USP42: variants seen among roughly 807,000 people sequenced by gnomAD.
USP42 encodes the protein ubiquitin carboxyl-terminal hydrolase 42.
Under a neutral mutation model 113.0 loss-of-function variants are expected in USP42, and 23 were observed. The ratio of observed to expected loss-of-function variants is 0.20; its 90% CI spans 0.15 to 0.29. The LOEUF (loss-of-function observed/expected upper bound fraction) is 0.29. Among genes scored for constraint, USP42 ranks in the 10% least tolerant of loss-of-function variants. The pLI, the probability that USP42 is intolerant of heterozygous loss-of-function variation, is 1.00. For missense variants in USP42, 2,174 were observed against 1,779.8 expected (o/e 1.22, Z -3.99); for synonymous variants, 933 against 699.0 (o/e 1.33, Z -5.28).
chr7:6,139,694 G>T lies in USP42; in HGVS notation c.657-434G>T, dbSNP rs981967433. On this transcript the variant is annotated intron_variant, in intron 5 of 17. Transcript: ENST00000306177. The surrounding 1 kb of genome is among the most constrained non-coding windows in gnomAD (Gnocchi z 4.5). ...TTGGTGCTGTCTGAGACACCTGGTA[G>T]ATCTCCCTCTGCATTCTCCCTGCCC... is the stretch of plus-strand genomic sequence containing the variant. 4.2e-6 allele frequency: 1 copy of T among 236,484 alleles called. No homozygotes were observed. Among genetic ancestry groups the T allele is most frequent in the South Asian group, 5.9e-5 (1 of 17,086 alleles). The allele number at this position is 236,484 out of a possible 1,614,324, so 14.6% of individuals were successfully genotyped here.
chr7:6,123,734 G>A lies in USP42; in HGVS notation c.442+8211G>A, dbSNP rs117599607. The stretch of plus-strand genomic sequence containing the variant: ...GTGGTGGTGTTCTTCTATAGTCTTA[G>A]CTACTCGGGAGGCCGAGGTAGGAGA... On this transcript the variant is annotated intron_variant, in intron 3 of 17. Coordinates refer to ENST00000306177, the MANE Select transcript of USP42 (RefSeq NM_032172.3). Among the ~76,000 whole-genome samples the A allele has an allele frequency of 2.5e-3, 371 of 150,952 alleles. 1 individual carries two copies. The highest frequency in any genetic ancestry group is 4.8e-3 in the Non-Finnish European group (328 of 67,892).
intron 3 of USP42, among the ~76,000 whole-genome samples, chr7:6,126,733 C>T (rs556584939): frequency 2.0e-5 from 3 of 152,052 alleles, no homozygotes; most frequent in East Asian, 3.9e-4. Flanking sequence ...TAAACACATC[C>T]GGGTTGTTTC....
Position 6,159,616 on chromosome 7 carries a change from G to T in USP42, c.*36+123G>T. The T allele has an allele frequency of 9.9e-7, 1 of 1,008,272 alleles. No homozygotes were observed. The highest frequency in any genetic ancestry group is 1.5e-6 in the Non-Finnish European group (1 of 681,798). The allele number at this position is 1,008,272 out of a possible 1,614,324, so 62.5% of individuals were successfully genotyped here. On this transcript the variant is annotated intron_variant, in intron 17 of 17. Coordinates refer to ENST00000306177, the MANE Select transcript of USP42 (RefSeq NM_032172.3). The surrounding 1 kb of genome is among the most constrained non-coding windows in gnomAD (Gnocchi z 4.1). ...GCTCATAGGAGTTGGCAGAGCCATG[G>T]AGAGGCCCCGGCAGGTTCCCAGCCA...
the USP42 span, chr7:6,088,949 G>C: frequency 6.6e-6 from 1 of 151,120 alleles, no homozygotes; most frequent in Admixed American, 6.6e-5. Flanking sequence ...ATGCCATGAA[G>C]GGCCATAGGG....
At chr7:6,100,877 A>T (rs1790105812), upstream of USP42, among the ~76,000 whole-genome samples, 1 of 150,622 alleles carries the variant, frequency 6.6e-6, no homozygotes, top group African/African-American at 2.5e-5. Context: ...CATGTTGGTC[A>T]CGCTGGTCTT....
rs1364326046 is a variant in USP42 at position 6,149,859 on chromosome 7, T to A, written c.1663T>A (p.Ser555Thr). 1 of 1,614,014 alleles carries A rather than the reference T, an allele frequency of 6.2e-7. No homozygotes were observed. Among genetic ancestry groups the A allele is most frequent in the Admixed American group, 1.7e-5 (1 of 60,024 alleles). Residue 555 changes from serine (S) to threonine (T), a missense_variant, in exon 13 of 18, where the codon TCT (serine) becomes ACT (threonine). By Grantham distance (58) the Ser-to-Thr change is moderately conservative. Coordinates refer to ENST00000306177, the MANE Select transcript of USP42 (RefSeq NM_032172.3). ...GGAGAACCCTACCAAGCCCGTTCCCTCTTCTACCATTACCAATTCTGCAGT... is the reference window on the plus strand; with the variant it reads ...GGAGAACCCTACCAAGCCCGTTCCCACTTCTACCATTACCAATTCTGCAGT... ...SLENPTKPVPSSTITNSAVQS... is the reference protein window; with the variant it reads ...SLENPTKPVPTSTITNSAVQS...
intron 12 of USP42, among the ~76,000 whole-genome samples, chr7:6,148,194 C>T (rs1439932356): frequency 1.3e-5 from 2 of 151,980 alleles, no homozygotes; most frequent in Admixed American, 6.5e-5. Context: ...AAGTATCAGC[C>T]GGGTATGGTG....
At chr7:6,083,728 T>G in the USP42 span, among the ~76,000 whole-genome samples, 2 of 150,768 alleles carry the variant, frequency 1.3e-5, 1 homozygote, top group African/African-American at 5.0e-5. Context: ...TATGTGGCGT[T>G]TATGTTTTTA....
chr7:6,091,996 CT>C, the USP42 span, among the ~76,000 whole-genome samples: 1 of 69,184 alleles, frequency 1.4e-5, no homozygotes, highest in East Asian at 2.6e-4. Flanking sequence ...TCTTCTTCTT[CT>C]TCTTCTTCTT....
chr7:6,116,492 C>T (rs1779918282), intron 3 of USP42: 1 of 225,750 alleles, frequency 4.4e-6, no homozygotes, highest in African/African-American at 2.4e-5. Context: ...GTTCTTTGAT[C>T]TAAATTAATG....
chr7:6,102,764 G>A (rs1471436788), upstream of USP42, among the ~76,000 whole-genome samples: 1 of 150,844 alleles, frequency 6.6e-6, no homozygotes, highest in Non-Finnish European at 1.5e-5. Context: ...AAAGAGGAAA[G>A]GGAACTTGGA....
Position 6,154,288 on chromosome 7 carries a change from C to T in USP42, c.2734C>T (p.Pro912Ser), listed in dbSNP as rs766625917. Residue 912 changes from proline (P) to serine (S), a missense_variant, in exon 15 of 18, where the codon CCG (proline) becomes TCG (serine). Pro to Ser is a moderately conservative substitution (Grantham distance 74). Transcript: ENST00000306177. ...GCTGGACATGGCCCCGGCCGGTCAC[C>T]CGGAAGGGGACGCTGAGCCTAGCCC... ...PVLDMAPAGH[P>S]EGDAEPSPGE... The T allele has an allele frequency of 6.9e-6, 11 of 1,590,798 alleles. No individual in the cohort carries two copies. In the African/African-American group the frequency reaches 8.1e-5, roughly 12 times the overall value.
chr7:6,084,735 T>C, the USP42 span: 3 of 150,838 alleles, frequency 2.0e-5, no homozygotes, highest in Non-Finnish European at 4.4e-5. Context: ...TTTTTTTTTT[T>C]TGAGACGGAG....
chr7:6,126,928 T>G (rs1004293289), intron 3 of USP42, among the ~76,000 whole-genome samples: 5 of 152,226 alleles, frequency 3.3e-5, no homozygotes, highest in South Asian at 2.1e-4. Context: ...GCATATTTGA[T>G]TTTATAAGAA....
the USP42 span, among the ~76,000 whole-genome samples, chr7:6,099,488 A>G: frequency 6.7e-6 from 1 of 149,732 alleles, no homozygotes; most frequent in African/African-American, 2.5e-5. Context: ...TGCTGGGATT[A>G]CAGGCGTGAG....
At chr7:6,116,097 C>G (rs1779896081) in intron 3 of USP42, among the ~76,000 whole-genome samples, 1 of 141,116 alleles carries the variant, frequency 7.1e-6, no homozygotes. Flanking sequence ...GAAAGAGACC[C>G]TGTCTCAAAA....
At chr7:6,106,288 A>G (rs772757880) in intron 1 of USP42, among the ~76,000 whole-genome samples, 6 of 152,220 alleles carry the variant, frequency 3.9e-5, no homozygotes, top group Non-Finnish European at 7.3e-5. Flanking sequence ...CGGAAATGCT[A>G]TGAGAACGTG....
At chr7:6,084,192 A>G in the USP42 span, among the ~76,000 whole-genome samples, 2 of 150,422 alleles carry the variant, frequency 1.3e-5, no homozygotes, top group African/African-American at 5.0e-5. Context: ...ACGCCCAGCT[A>G]ATTTTTGTAT....
At chr7:6,091,553 C>T in the USP42 span, among the ~76,000 whole-genome samples, 1 of 150,550 alleles carries the variant, frequency 6.6e-6, no homozygotes, top group East Asian at 1.9e-4. Context: ...AGTCAGCTAC[C>T]GTATTATACT....
Sources: allele counts gnomAD v4.1 joint callset (sites outside exome capture counted in the v4.1 genomes callset), GRCh38; gene constraint gnomAD v4.1.1; non-coding constraint Gnocchi (gnomAD v3.1); transcripts MANE v1.5; gene names NCBI Gene and HGNC (gene_info 2026-07-23, HGNC 2026-07-21).